The following WDR91 variants were observed in gnomAD, a reference collection of about 807,000 sequenced individuals.
The protein encoded by WDR91 is WD repeat domain 91, also known as WD repeat-containing protein 91.
WDR91 carries 52 observed loss-of-function variants against 88.4 expected under a neutral mutation model. The observed-to-expected ratio is 0.59, with a 90% CI of 0.47 to 0.74. WDR91 has a LOEUF of 0.74. Among genes scored for constraint, WDR91 ranks in the 30% least tolerant of loss-of-function variants. The pLI is 0.00. For missense variants in WDR91, 824 were observed against 954.5 expected (o/e 0.86, Z 1.80); for synonymous variants, 362 against 389.5 (o/e 0.93, Z 0.83).
intron 6 of WDR91, chr7:135,202,177 C>T (rs1489526872): frequency 6.6e-6 from 1 of 152,232 alleles, no homozygotes; most frequent in Non-Finnish European, 1.5e-5. Flanking sequence ...AAGCAATGAG[C>T]TCTGCATCTT....
At chr7:135,201,708 G>A (rs776576270) in intron 6 of WDR91, among the ~76,000 whole-genome samples, 2 of 152,164 alleles carry the variant, frequency 1.3e-5, no homozygotes, top group Admixed American at 6.5e-5. Flanking sequence ...TGGTAGCAGC[G>A]AGGAAAAAAG....
chr7:135,191,495 C>T (rs1416476968), intron 11 of WDR91, among the ~76,000 whole-genome samples: 1 of 150,532 alleles, frequency 6.6e-6, no homozygotes, highest in African/African-American at 2.4e-5. Context: ...ATCCCAGCTA[C>T]TCAGGAGGTT....
chr7:135,207,270 C>G (rs1422364283), intron 3 of WDR91, 68 bp from the exon 4 acceptor site: 4 of 1,324,456 alleles, frequency 3.0e-6, no homozygotes, highest in African/African-American at 1.5e-5. Context: ...CCTTGACACA[C>G]CAGTAAAACA....
At chr7:135,190,653 C>A (rs917911828) in intron 11 of WDR91, among the ~76,000 whole-genome samples, 5 of 148,846 alleles carry the variant, frequency 3.4e-5, no homozygotes, top group African/African-American at 1.2e-4. Flanking sequence ...AAATGAGAGA[C>A]TATAAACACG....
rs1245400516 is a variant in WDR91 at position 135,207,122 on chromosome 7, T to C, written c.592A>G (p.Lys198Glu). ...GAGCAAGCCTGTTCAGAACAAACCT[T>C]CTGACGCAGAACTTCATTTTCTTCT... ...VQEENEVLRQ[K>E]LFALQAEIHR... Residue 198 changes from lysine (K) to glutamate (E), a missense_variant and splice_region_variant, in exon 4 of 15, where the codon AAG becomes GAG. Transcript: ENST00000354475. 2 of 1,603,706 alleles carry C rather than the reference T, an allele frequency of 1.2e-6. No individual in the cohort carries two copies. Among genetic ancestry groups the C allele is most frequent in the Admixed American group, 1.7e-5 (1 of 59,750 alleles).
In WDR91 at chr7:135,185,510, C is replaced by A. The variant is rs1185234185; in HGVS notation, c.*641G>T. The A allele has an allele frequency of 1.3e-5, 2 of 152,236 alleles. No homozygotes were observed. Among genetic ancestry groups the A allele is most frequent in the African/African-American group, 4.8e-5 (2 of 41,462 alleles). The allele number at this position is 152,236 out of a possible 1,614,324, so 9.4% of individuals were successfully genotyped here. On this transcript the variant is annotated 3_prime_UTR_variant, in exon 15 of 15. Transcript: ENST00000354475. ...CAGCCAGTAGCAGAGGCCTCAGCCC[C>A]TGCCTTCATCCTGAGAATCTTCTGT...
intron 11 of WDR91, among the ~76,000 whole-genome samples, chr7:135,191,604 CA>C (rs10717249): frequency 1.2e-5 from 1 of 82,928 alleles, no homozygotes. Flanking sequence ...GACTCCATCT[CA>C]AAAAAAAAAA....
Position 135,187,204 on chromosome 7 carries a change from C to T in WDR91, c.1882-35G>A, listed in dbSNP as rs748339565. On this transcript the variant is annotated intron_variant, in intron 13 of 14. Coordinates refer to ENST00000354475, the MANE Select transcript of WDR91 (RefSeq NM_014149.4). ...CAGGGCACAAGCAGGGTGCTCGCAG[C>T]GGAGCTGGCCAATGCAGGCCTCAAG... The T allele has an allele frequency of 3.6e-5, 58 of 1,610,054 alleles. No homozygotes were observed. In the African/African-American group the frequency reaches 5.6e-4, roughly 16 times the overall value.
chr7:135,209,413 G>C (rs1831931343), intron 2 of WDR91, 163 bp downstream of exon 2: 1 of 640,298 alleles, frequency 1.6e-6, no homozygotes, highest in Non-Finnish European at 2.4e-6. Context: ...ATGACGACAA[G>C]GAAAAAAAAG....
chr7:135,206,103 T>G (rs292593), intron 4 of WDR91, 45 bp from the exon 5 acceptor site: 1,144,722 of 1,612,384 alleles, frequency 0.71, 414,099 homozygotes, highest in Admixed American at 0.8. Context: ...TCACCTAACC[T>G]TCCCTCTGCG....
At position 135,185,773 on chromosome 7, in the gene WDR91, G is replaced by T. The variant is rs1685030744; in HGVS notation, c.*378C>A. 2 of 161,788 alleles carry T rather than the reference G, an allele frequency of 1.2e-5. No individual in the cohort carries two copies. Among genetic ancestry groups the T allele is most frequent in the Non-Finnish European group, 1.3e-5 (1 of 74,920 alleles). The allele number at this position is 161,788 out of a possible 1,614,324, so 10.0% of individuals were successfully genotyped here. On this transcript the variant is annotated 3_prime_UTR_variant, in exon 15 of 15. Transcript: ENST00000354475. ...CACATCCTAGAAAGAGACATCAGGG[G>T]ACCACAAGAGTATTCTCTTTTTTTA...
At position 135,189,477 on chromosome 7, in the gene WDR91, AG is replaced by A. The variant is rs766612190; in HGVS notation, c.1660-26del. ...GCTATTGAAATAAAACAAAAATGTCAGTAGCAGATCTTCACTCAGCCCAGGC... is the reference window on the plus strand; with the variant it reads ...GCTATTGAAATAAAACAAAAATGTCATAGCAGATCTTCACTCAGCCCAGGC... On this transcript the variant is annotated intron_variant, in intron 11 of 14. Coordinates refer to ENST00000354475, the MANE Select transcript of WDR91 (RefSeq NM_014149.4). The A allele has an allele frequency of 3.2e-5, 52 of 1,601,464 alleles. No homozygotes were observed. The African/African-American group carries it at 6.2e-4, about 19-fold the overall frequency.
intron 2 of WDR91, 79 bp from the exon 3 acceptor site, chr7:135,209,077 G>A (rs1831919649): frequency 3.3e-6 from 4 of 1,202,044 alleles, no homozygotes; most frequent in Non-Finnish European, 4.7e-6. Flanking sequence ...TTGCACAGCA[G>A]ACAACCTTTG....
intron 13 of WDR91, among the ~76,000 whole-genome samples, chr7:135,187,728 C>A (rs913332822): frequency 2.0e-5 from 3 of 152,204 alleles, no homozygotes; most frequent in African/African-American, 7.2e-5. Flanking sequence ...GCCTACCCTA[C>A]GGACAGGATA....
rs148296174 is a variant in WDR91, at chr7:135,209,643, A to C, written c.236T>G (p.Ile79Arg). 1.1e-5 allele frequency: 17 copies of C among 1,613,372 alleles called. No individual in the cohort carries two copies. The highest frequency in any genetic ancestry group is 1.4e-5 in the Non-Finnish European group (17 of 1,179,720). The change falls in exon 2 of 15, where the codon ATA becomes AGA. Residue 79 changes from isoleucine to arginine, a missense_variant. By Grantham distance (97) the Ile-to-Arg change is moderately conservative. Transcript: ENST00000354475. ...CAGCTTGTGGATTGTGGGTCTGTAT[A>C]TATCCTCCAAGCGGCTGAAGAGCCG... is the stretch of plus-strand genomic sequence containing the variant. ...ERRLFSRLED[I>R]YRPTIHKLKT...
Position 135,211,513 on chromosome 7 carries a change from G to C in WDR91, c.-11C>G. On this transcript the variant is annotated 5_prime_UTR_variant, in exon 1 of 15. Coordinates refer to ENST00000354475, the MANE Select transcript of WDR91 (RefSeq NM_014149.4). ...CACGGCCTCCGCCATCGCAGCGCTA[G>C]CGTCTTTAGGGGTGGTGCGGTGAGG... is the stretch of plus-strand genomic sequence containing the variant. 1 of 1,610,974 alleles carries C rather than the reference G, an allele frequency of 6.2e-7. No individual in the cohort carries two copies. The highest frequency in any genetic ancestry group is 8.5e-7 in the Non-Finnish European group (1 of 1,178,872).
chr7:135,193,433 G>A (rs201129952), intron 10 of WDR91, 34 bp from the exon 11 acceptor site: 4 of 1,611,742 alleles, frequency 2.5e-6, no homozygotes, highest in Non-Finnish European at 3.4e-6. Context: ...CAGACCCTCT[G>A]CCTGCCCACA....
intron 11 of WDR91, among the ~76,000 whole-genome samples, chr7:135,190,136 TA>T (rs1367605748): frequency 6.6e-5 from 10 of 152,160 alleles, no homozygotes; most frequent in African/African-American, 2.4e-4. Flanking sequence ...TATGGGGAAT[TA>T]ATCAGATCCA....
intron 6 of WDR91, among the ~76,000 whole-genome samples, chr7:135,200,676 A>G (rs1234856011): frequency 6.6e-6 from 1 of 152,250 alleles, no homozygotes; most frequent in Non-Finnish European, 1.5e-5. Flanking sequence ...GCTTCAAATA[A>G]CAGAATATCC....
Sources: gnomAD v4.1 joint callset for allele counts (sites outside exome capture counted in the v4.1 genomes callset) on GRCh38, gnomAD v4.1.1 for gene constraint, MANE v1.5 for transcripts, NCBI Gene and HGNC (gene_info 2026-07-23, HGNC 2026-07-21) for gene names.